Variants in INPP5A observed in about 807,000 individuals in gnomAD.
INPP5A encodes the protein 43 kDa inositol polyphosphate 5-phophatase.
INPP5A carries 14 observed loss-of-function variants against 65.2 expected under a neutral mutation model. That is an observed-to-expected ratio of 0.21 (90% confidence interval 0.14 to 0.34). INPP5A has a LOEUF of 0.34. Among genes scored for constraint, INPP5A ranks in the 10% least tolerant of loss-of-function variants. The probability of loss-of-function intolerance (pLI) is 1.00; values close to 1 mark genes in which losing one functional copy is unlikely to be tolerated. For synonymous variants in INPP5A, 207 were observed against 208.3 expected (o/e 0.99, Z 0.05); for missense variants, 431 against 545.6 (o/e 0.79, Z 2.09).
intron 1 of INPP5A, among the ~76,000 whole-genome samples, chr10:132,594,652 T>C (rs2071661470): frequency 6.6e-6 from 1 of 152,006 alleles, no homozygotes; most frequent in Non-Finnish European, 1.5e-5. Flanking sequence ...TGCATGCATG[T>C]GTGTGGGGTG....
intron 1 of INPP5A, among the ~76,000 whole-genome samples, chr10:132,588,735 A>G (rs1028370269): frequency 6.6e-6 from 1 of 152,190 alleles, no homozygotes; most frequent in African/African-American, 2.4e-5. Flanking sequence ...GAAGGAAATG[A>G]GTTGACGTTC....
At chr10:132,709,341 A>C (rs1450926505) in intron 7 of INPP5A, among the ~76,000 whole-genome samples, 1 of 98,550 alleles carries the variant, frequency 1.0e-5, no homozygotes. Context: ...GAGGTGGGGG[A>C]AGAGTGAGAG....
chr10:132,781,475 A>G (rs944179435), intron 14 of INPP5A, among the ~76,000 whole-genome samples: 2 of 152,228 alleles, frequency 1.3e-5, no homozygotes, highest in African/African-American at 4.8e-5. Flanking sequence ...GTGAGCCCCA[A>G]ACACACCCGG....
In INPP5A at chr10:132,613,810, C is replaced by T. The variant is rs2071992560; in HGVS notation, c.117+5854C>T. 2.6e-5 allele frequency among the ~76,000 whole-genome samples: 4 copies of T among 152,370 alleles called. No homozygotes were observed. In the South Asian group the frequency reaches 6.2e-4, roughly 24 times the overall value. On this transcript the variant is annotated intron_variant, in intron 2 of 15. Coordinates refer to ENST00000368594, the MANE Select transcript of INPP5A (RefSeq NM_005539.5). ...CCTGGTGGTCTCCATGACCAGAGCC[C>T]ACTGTGCCAGCAGCTCAAGGGCAAG...
chr10:132,673,982 A>G (rs535454329), intron 4 of INPP5A, among the ~76,000 whole-genome samples: 11 of 152,186 alleles, frequency 7.2e-5, no homozygotes, highest in Non-Finnish European at 1.6e-4. Context: ...GGTACCCTCC[A>G]TTCCTGCCAT....
In INPP5A at chr10:132,769,035, C is replaced by G. The variant is rs529181291; in HGVS notation, c.977+3189C>G. Among the ~76,000 whole-genome samples, 19 of 152,346 alleles carry G rather than the reference C, an allele frequency of 1.2e-4. No homozygotes were observed. In the South Asian group the frequency reaches 2.1e-3, roughly 17 times the overall value. On this transcript the variant is annotated intron_variant, in intron 12 of 15. Coordinates refer to ENST00000368594, the MANE Select transcript of INPP5A (RefSeq NM_005539.5). ...AGGAGACAGCATTCCTAGCGCAGAG[C>G]TCCGGATACAGCCGCACCCGGGGCG...
At chr10:132,711,039 A>C (rs1287317495) in intron 8 of INPP5A, among the ~76,000 whole-genome samples, 12 of 152,150 alleles carry the variant, frequency 7.9e-5, no homozygotes, top group Non-Finnish European at 4.4e-5. Context: ...CTGGAGCTGC[A>C]CCCTCACAAT....
intron 8 of INPP5A, among the ~76,000 whole-genome samples, chr10:132,713,021 T>C (rs1433439103): frequency 6.7e-6 from 1 of 149,998 alleles, no homozygotes; most frequent in Non-Finnish European, 1.5e-5. Flanking sequence ...CTGGGGTGTA[T>C]GTATGTATGT....
intron 9 of INPP5A, among the ~76,000 whole-genome samples, chr10:132,743,910 GCAGA>G (rs1376764066): frequency 6.6e-6 from 1 of 152,222 alleles, no homozygotes; most frequent in Non-Finnish European, 1.5e-5. Context: ...TCACTCTGGC[GCAGA>G]CAGACCATGG....
chr10:132,704,965 C>A lies in INPP5A; in HGVS notation c.475-3348C>A, dbSNP rs1845510963. ...AGTGTGGAGGATGGAGGAAGGGCGT[C>A]TGGACAGGCGGCAGGCAGCTCCTCT... is the stretch of plus-strand genomic sequence containing the variant. On this transcript the variant is annotated intron_variant, in intron 6 of 15. Coordinates refer to ENST00000368594, the MANE Select transcript of INPP5A (RefSeq NM_005539.5). The surrounding 1 kb of genome is among the most constrained non-coding windows in gnomAD (Gnocchi z 4.5). 6.6e-6 allele frequency among the ~76,000 whole-genome samples: 1 copy of A among 150,596 alleles called. No individual in the cohort carries two copies. Among genetic ancestry groups the A allele is most frequent in the South Asian group, 2.1e-4 (1 of 4,684 alleles).
intron 2 of INPP5A, among the ~76,000 whole-genome samples, chr10:132,643,568 C>T (rs977853572): frequency 1.4e-4 from 21 of 152,060 alleles, no homozygotes; most frequent in African/African-American, 5.1e-4. Context: ...TGTCTTAGGA[C>T]GGGCAGCTTA....
chr10:132,755,772 C>T (rs547812683), intron 11 of INPP5A, among the ~76,000 whole-genome samples: 1 of 152,200 alleles, frequency 6.6e-6, no homozygotes, highest in Admixed American at 6.5e-5. Flanking sequence ...CCTGGCCACC[C>T]AGGAGCAGGT....
chr10:132,641,089 T>C lies in INPP5A; in HGVS notation c.118-4779T>C, dbSNP rs563610206. ...CCTCGATTCACTGCGTCATTAAGAA[T>C]TGTAAAATGGCTGTATTCTAATTCT... On this transcript the variant is annotated intron_variant, in intron 2 of 15. Transcript: ENST00000368594. Among the ~76,000 whole-genome samples, 58 of 152,358 alleles carry C rather than the reference T, an allele frequency of 3.8e-4. 2 individuals are homozygous for C. In the South Asian group the frequency reaches 0.011, roughly 28 times the overall value.
rs1294279801 is a variant in INPP5A, at chr10:132,783,332, A to C, written c.*1303A>C. 1 of 152,394 alleles carries C rather than the reference A, an allele frequency of 6.6e-6. No homozygotes were observed. The highest frequency in any genetic ancestry group is 1.5e-5 in the Non-Finnish European group (1 of 68,030). 9.4% of individuals were successfully genotyped at this position (152,394 alleles called of 1,614,324 possible). ...CGCTGCGGAATCTGTTCTTGGTGGA[A>C]GCACAGGTCCGTGTCGCTGCTGTGG... On this transcript the variant is annotated 3_prime_UTR_variant, in exon 16 of 16. Transcript: ENST00000368594.
chr10:132,677,878 G>A (rs561445609), intron 4 of INPP5A, among the ~76,000 whole-genome samples: 6 of 152,194 alleles, frequency 3.9e-5, no homozygotes, highest in Non-Finnish European at 7.3e-5. Context: ...CACGGGGCAC[G>A]CTTTATAAAA....
intron 9 of INPP5A, among the ~76,000 whole-genome samples, chr10:132,734,356 T>G (rs1846139532): frequency 6.6e-6 from 1 of 152,240 alleles, no homozygotes; most frequent in Non-Finnish European, 1.5e-5. Context: ...GGCCTCATTT[T>G]CCTCGTACAG....
At chr10:132,756,516 C>T (rs1355949899) in intron 11 of INPP5A, among the ~76,000 whole-genome samples, 3 of 152,228 alleles carry the variant, frequency 2.0e-5, no homozygotes, top group Admixed American at 6.5e-5. Context: ...CTGAAAGCTT[C>T]CTCTCGCTGT....
intron 2 of INPP5A, among the ~76,000 whole-genome samples, chr10:132,645,027 T>A (rs1019359676): frequency 6.6e-6 from 1 of 151,990 alleles, no homozygotes; most frequent in African/African-American, 2.4e-5. Flanking sequence ...TGCCCGCGCG[T>A]CCTCTCAGAG....
At position 132,649,090 on chromosome 10, in the gene INPP5A, G is replaced by A. The variant is rs529524198; in HGVS notation, c.219-1328G>A. On this transcript the variant is annotated intron_variant, in intron 3 of 15. Transcript: ENST00000368594. ...TTCAGCTCATTTTCCCTGTGTTTCGGTTTGGATCGCCTCTGTTGCTGTATT... is the reference window on the plus strand; with the variant it reads ...TTCAGCTCATTTTCCCTGTGTTTCGATTTGGATCGCCTCTGTTGCTGTATT... Among the ~76,000 whole-genome samples the A allele has an allele frequency of 7.9e-5, 12 of 152,266 alleles. 1 individual carries two copies. The highest frequency in any genetic ancestry group is 2.9e-4 in the African/African-American group (12 of 41,542).
Sources: gnomAD v4.1 joint callset for allele counts (sites outside exome capture counted in the v4.1 genomes callset) on GRCh38, gnomAD v4.1.1 for gene constraint, Gnocchi (gnomAD v3.1) non-coding constraint, MANE v1.5 for transcripts, NCBI Gene and HGNC (gene_info 2026-07-23, HGNC 2026-07-21) for gene names.